Variants in MGST1 observed in about 807,000 individuals in gnomAD.
MGST1 encodes the protein microsomal glutathione S-transferase 1.
In MGST1, 5 loss-of-function variants were observed where a neutral mutation model predicts 8.9. The ratio of observed to expected loss-of-function variants is 0.56; its 90% CI spans 0.29 to 1.19. The LOEUF is 1.19. Ranked by LOEUF, MGST1 falls within the 50% of genes most tolerant of loss-of-function variation. MGST1 has a pLI of 0.08. For missense variants in MGST1, 182 were observed against 187.4 expected, an observed-to-expected ratio of 0.97 and a Z score of 0.17; for synonymous variants, 54 against 67.8, an observed-to-expected ratio of 0.80 and a Z score of 1.00.
intron 4 of MGST1, among the ~76,000 whole-genome samples, chr12:16,446,974 T>C (rs1941085404): frequency 6.6e-6 from 1 of 151,948 alleles, no homozygotes; most frequent in Admixed American, 6.6e-5. Flanking sequence ...TCTTCTGTCC[T>C]CACATCATAT....
At chr12:16,371,934 A>G (rs1940299906) in intron 3 of MGST1, among the ~76,000 whole-genome samples, 1 of 152,132 alleles carries the variant, frequency 6.6e-6, no homozygotes, top group African/African-American at 2.4e-5. Context: ...GCATTAGGGA[A>G]AGAACAGTCT....
intron 4 of MGST1, among the ~76,000 whole-genome samples, chr12:16,470,813 C>A (rs1591738782): frequency 6.6e-6 from 1 of 151,934 alleles, no homozygotes; most frequent in Non-Finnish European, 1.5e-5. Flanking sequence ...AAATAAGTTA[C>A]TTAAGAGTTA....
intron 4 of MGST1, chr12:16,514,414 G>T: frequency 7.0e-6 from 2 of 284,140 alleles, no homozygotes. Context: ...GAAGTGAAAG[G>T]CAAGGCCCAT....
chr12:16,403,959 G>A (rs571735338), intron 1 of MGST1, among the ~76,000 whole-genome samples: 2 of 152,130 alleles, frequency 1.3e-5, no homozygotes, highest in African/African-American at 4.8e-5. Flanking sequence ...ATGAAATTTG[G>A]GTGGAACTAA....
intron 4 of MGST1, chr12:16,550,638 A>G (rs921992925): frequency 2.0e-5 from 3 of 152,498 alleles, no homozygotes; most frequent in African/African-American, 4.8e-5. Context: ...CATAGCGGCA[A>G]TAAGTAGTGG....
chr12:16,482,634 GAA>G lies in MGST1; in HGVS notation n.482+99041_482+99042del, dbSNP rs11315617. Among the ~76,000 whole-genome samples, 9 of 146,088 alleles carry G rather than the reference GAA, an allele frequency of 6.2e-5. No individual in the cohort carries two copies. Among genetic ancestry groups the G allele is most frequent in the South Asian group, 2.1e-4 (1 of 4,670 alleles). ...TTACAGAGCAAGACTCTGTCTGGAA[GAA>G]AAAAAAAAAAGAGTGAGAACATGTA... On this transcript the variant is annotated intron_variant and non_coding_transcript_variant, in intron 4 of 4. Transcript: ENST00000538857. This position sits in a 1 kb window ranked among gnomAD's most constrained non-coding sequence, Gnocchi z 4.2.
chr12:16,412,615 T>A (rs1940751707), intron 1 of MGST1, among the ~76,000 whole-genome samples: 1 of 152,182 alleles, frequency 6.6e-6, no homozygotes, highest in South Asian at 2.1e-4. Context: ...TGGGAGGTAA[T>A]TAAATCATGC....
chr12:16,432,466 T>TA (rs1489782531), intron 1 of MGST1, among the ~76,000 whole-genome samples: 2 of 152,060 alleles, frequency 1.3e-5, no homozygotes, highest in East Asian at 3.9e-4. Flanking sequence ...ATCTAGTTTT[T>TA]ATCTGCCTAG....
rs1448885497 is a variant in MGST1, at chr12:16,587,159, G to T, written n.483-2369G>T. 6.6e-6 allele frequency among the ~76,000 whole-genome samples: 1 copy of T among 152,132 alleles called. No homozygotes were observed. The highest frequency in any genetic ancestry group is 2.4e-5 in the African/African-American group (1 of 41,426). The stretch of plus-strand genomic sequence containing the variant: ...TTAAATTATAGCAATTGTGGGTGCT[G>T]CTGACCTGTCAATCTCAAATATATT... On this transcript the variant is annotated intron_variant and non_coding_transcript_variant, in intron 4 of 4. Transcript: ENST00000538857. This position sits in a 1 kb window ranked among gnomAD's most constrained non-coding sequence, Gnocchi z 4.3.
intron 4 of MGST1, among the ~76,000 whole-genome samples, chr12:16,534,729 T>C (rs1309248023): frequency 1.3e-5 from 2 of 152,192 alleles, no homozygotes; most frequent in Non-Finnish European, 2.9e-5. Context: ...GTGCTAGGTT[T>C]GGTAGAAGCA....
At chr12:16,431,272 G>A (rs1355427970) in intron 1 of MGST1, among the ~76,000 whole-genome samples, 2 of 152,122 alleles carry the variant, frequency 1.3e-5, no homozygotes, top group Admixed American at 6.6e-5. Flanking sequence ...AGGCTGTTTG[G>A]CTTTCTTATC....
chr12:16,511,716 A>G (rs1456240888), intron 4 of MGST1, among the ~76,000 whole-genome samples: 4 of 152,152 alleles, frequency 2.6e-5, no homozygotes, highest in Admixed American at 2.6e-4. Context: ...AGTCTTATTA[A>G]TATGCCCTTC....
intron 1 of MGST1, among the ~76,000 whole-genome samples, chr12:16,385,793 T>C (rs1425588309): frequency 6.6e-6 from 1 of 151,964 alleles, no homozygotes; most frequent in Non-Finnish European, 1.5e-5. Context: ...GTTCTGCAAA[T>C]GCTAATTGAT....
At chr12:16,472,583 A>C (rs1941295887) in intron 4 of MGST1, among the ~76,000 whole-genome samples, 1 of 152,136 alleles carries the variant, frequency 6.6e-6, no homozygotes, top group African/African-American at 2.4e-5. Context: ...CTCCAGAATG[A>C]TAATATGTTG....
In MGST1 at chr12:16,589,067, G is replaced by C. The variant is rs1180949131; in HGVS notation, n.483-461G>C. Among the ~76,000 whole-genome samples the C allele has an allele frequency of 1.3e-5, 2 of 152,064 alleles. No homozygotes were observed. Among genetic ancestry groups the C allele is most frequent in the Non-Finnish European group, 2.9e-5 (2 of 67,990 alleles). Reference sequence around the variant, plus strand: ...ATGTGAAGCTGGGGTGTAGCAGAAGGGGGTCGACGTCAGGTCTGGATACCT... The same window carrying C: ...ATGTGAAGCTGGGGTGTAGCAGAAGCGGGTCGACGTCAGGTCTGGATACCT... On this transcript the variant is annotated intron_variant and non_coding_transcript_variant, in intron 4 of 4. Coordinates refer to the MGST1 transcript ENST00000538857. The surrounding 1 kb of genome is among the most constrained non-coding windows in gnomAD (Gnocchi z 4.2).
At chr12:16,356,900 A>C (rs1440349656) in intron 2 of MGST1, among the ~76,000 whole-genome samples, 1 of 152,190 alleles carries the variant, frequency 6.6e-6, no homozygotes, top group Non-Finnish European at 1.5e-5. Flanking sequence ...TAAACATATT[A>C]CTTTCAGATG....
chr12:16,491,989 C>G (rs2058794), intron 4 of MGST1, among the ~76,000 whole-genome samples: 134,932 of 152,158 alleles, frequency 0.89, 62,129 homozygotes, highest in East Asian at 1. Flanking sequence ...TATATTGTTA[C>G]ATTGGTTCAA....
At chr12:16,511,349 A>G (rs1941576244) in intron 4 of MGST1, among the ~76,000 whole-genome samples, 1 of 152,228 alleles carries the variant, frequency 6.6e-6, no homozygotes, top group Non-Finnish European at 1.5e-5. Flanking sequence ...ACTTAATAGT[A>G]CAGAAATACA....
At chr12:16,577,294 C>T (rs1943023168) in intron 4 of MGST1, among the ~76,000 whole-genome samples, 1 of 152,150 alleles carries the variant, frequency 6.6e-6, no homozygotes, top group Admixed American at 6.6e-5. Context: ...TTAGGATCAT[C>T]TCCTAAATTT....
Sources: allele counts gnomAD v4.1 joint callset (sites outside exome capture counted in the v4.1 genomes callset), GRCh38; gene constraint gnomAD v4.1.1; non-coding constraint Gnocchi (gnomAD v3.1); transcripts MANE v1.5; gene names NCBI Gene and HGNC (gene_info 2026-07-23, HGNC 2026-07-21).